Variants in DNAJC16 observed in about 807,000 individuals in gnomAD.
The protein encoded by DNAJC16 is dnaJ homolog subfamily C member 16.
DNAJC16 carries 76 observed loss-of-function variants against 92.7 expected under a neutral mutation model. The observed-to-expected ratio is 0.82, with a 90% CI of 0.68 to 0.99. DNAJC16 has a LOEUF of 0.99. DNAJC16 is among the 50% of genes least tolerant of loss of function. The probability of loss-of-function intolerance (pLI) is 0.00; values close to 1 mark genes in which losing one functional copy is unlikely to be tolerated. For missense variants in DNAJC16, 869 were observed against 942.4 expected, an observed-to-expected ratio of 0.92 and a Z score of 1.02; for synonymous variants, 328 against 358.7, an observed-to-expected ratio of 0.91 and a Z score of 0.97.
At chr1:15,560,571 G>T (rs951608075) in intron 8 of DNAJC16, among the ~76,000 whole-genome samples, 2 of 152,122 alleles carry the variant, frequency 1.3e-5, no homozygotes, top group Non-Finnish European at 2.9e-5. Context: ...TCTGTAAAAG[G>T]TATCTGGATA....
chr1:15,555,577 G>T (rs1228222238), intron 7 of DNAJC16, among the ~76,000 whole-genome samples: 1 of 149,864 alleles, frequency 6.7e-6, no homozygotes, highest in African/African-American at 2.5e-5. Flanking sequence ...TAGCTCCTTA[G>T]AAGGCTGAGG....
chr1:15,539,482 G>A (rs1463864844), intron 4 of DNAJC16, among the ~76,000 whole-genome samples: 1 of 151,640 alleles, frequency 6.6e-6, no homozygotes, highest in African/African-American at 2.4e-5. Context: ...TCCTGACCTC[G>A]TGATCCGCCC....
intron 2 of DNAJC16, among the ~76,000 whole-genome samples, chr1:15,533,540 A>G (rs935787611): frequency 2.0e-5 from 3 of 152,196 alleles, no homozygotes; most frequent in Non-Finnish European, 4.4e-5. Context: ...AGGCAAGAGA[A>G]TCGCTTGAGC....
chr1:15,565,530 T>G (rs978702464), intron 11 of DNAJC16: 3 of 223,748 alleles, frequency 1.3e-5, no homozygotes, highest in African/African-American at 7.1e-5. Context: ...ACTCCACCCC[T>G]CTGGGCTACA....
rs901782381 is a variant in DNAJC16 at position 15,564,374 on chromosome 1, A to G, written c.1598+15A>G. 3.9e-6 allele frequency: 6 copies of G among 1,535,472 alleles called. No individual in the cohort carries two copies. Among genetic ancestry groups the G allele is most frequent in the Non-Finnish European group, 5.4e-6 (6 of 1,108,482 alleles). ...CACAACAACTGGTAGGGATATTGCC[A>G]GGCTGAATTTCTTTTTCTCTGTTAA... On this transcript the variant is annotated intron_variant, in intron 11 of 14. Transcript: ENST00000375847.
rs1570932533 is a variant in DNAJC16, at chr1:15,566,004, A to T, written c.1679+5A>T. 6.2e-7 allele frequency: 1 copy of T among 1,612,912 alleles called. No individual in the cohort carries two copies. Among genetic ancestry groups the T allele is most frequent in the East Asian group, 2.2e-5 (1 of 44,802 alleles). ...TGTCATCGTTCAGGCTTTCAGGTAA[A>T]TGTCCTGTGGCTTCTCGGTGCACCA... On this transcript the variant is annotated splice_donor_5th_base_variant and intron_variant, in intron 12 of 14. Coordinates refer to ENST00000375847, the MANE Select transcript of DNAJC16 (RefSeq NM_015291.4).
At position 15,567,801 on chromosome 1, in the gene DNAJC16, T is replaced by C; in HGVS notation, c.1973T>C (p.Phe658Ser). The change falls in exon 15 of 15, where the codon TTC becomes TCC. Residue 658 changes from phenylalanine (F) to serine (S), a missense_variant. Physicochemically the swap from Phe to Ser is radical, Grantham distance 155. Transcript: ENST00000375847. ...AGGAGCAGCTGCCTACACTTCTCCT[T>C]CCTGAGTCTAGATAAACACAGAGAA... is the stretch of plus-strand genomic sequence containing the variant. ...FTGSSCLHFS[F>S]LSLDKHREWL... The C allele has an allele frequency of 3.1e-6, 5 of 1,613,946 alleles. No individual in the cohort carries two copies. The highest frequency in any genetic ancestry group is 4.2e-6 in the Non-Finnish European group (5 of 1,179,898).
At chr1:15,566,428 C>T in intron 13 of DNAJC16, 1 of 496,200 alleles carries the variant, frequency 2.0e-6, no homozygotes, top group Non-Finnish European at 3.6e-6. Context: ...TTAGGTGAGC[C>T]AGAAGCAGGA....
At chr1:15,564,403 T>G in intron 11 of DNAJC16, 44 bp downstream of exon 11, 1 of 1,182,354 alleles carries the variant, frequency 8.5e-7, no homozygotes, top group East Asian at 2.3e-5. Flanking sequence ...CTGTTAATAC[T>G]GATATCACTG....
intron 4 of DNAJC16, among the ~76,000 whole-genome samples, chr1:15,542,522 A>G (rs1187019488): frequency 6.6e-6 from 1 of 152,132 alleles, no homozygotes; most frequent in African/African-American, 2.4e-5. Context: ...GAGTAACCAT[A>G]AGGAATGTTC....
chr1:15,561,217 T>C (rs1332155476), intron 8 of DNAJC16, among the ~76,000 whole-genome samples: 2 of 152,146 alleles, frequency 1.3e-5, no homozygotes, highest in African/African-American at 4.8e-5. Flanking sequence ...ATATTGTCTA[T>C]ATTACCTGAC....
At chr1:15,539,013 G>A (rs1710862308) in intron 4 of DNAJC16, among the ~76,000 whole-genome samples, 1 of 152,074 alleles carries the variant, frequency 6.6e-6, no homozygotes, top group African/African-American at 2.4e-5. Flanking sequence ...CAGCTGAGGG[G>A]GGAAAAAACT....
Position 15,564,017 on chromosome 1 carries a change from T to G in DNAJC16, c.1427T>G (p.Phe476Cys), listed in dbSNP as rs750151843. 35 of 1,613,682 alleles carry G rather than the reference T, an allele frequency of 2.2e-5. No homozygotes were observed. Among genetic ancestry groups the G allele is most frequent in the African/African-American group, 5.3e-5 (4 of 74,908 alleles). Residue 476 changes from phenylalanine to cysteine, a missense_variant, in exon 10 of 15, where the codon TTT (phenylalanine) becomes TGT (cysteine). Physicochemically the swap from Phe to Cys is radical, Grantham distance 205. Coordinates refer to ENST00000375847, the MANE Select transcript of DNAJC16 (RefSeq NM_015291.4). ...TGGATTGGGAGTGAGAGTGACAAAT[T>G]TATCCTCTTGGGCTATCTCGACCAG... The part of the protein sequence containing the change: ...DPWIGSESDK[F>C]ILLGYLDQLR...
intron 2 of DNAJC16, among the ~76,000 whole-genome samples, 167 bp downstream of exon 2, chr1:15,529,439 AGCGATAAGATCCAAAGC>A (rs1710602136): frequency 6.6e-6 from 1 of 152,162 alleles, no homozygotes; most frequent in Non-Finnish European, 1.5e-5. Flanking sequence ...TATAATTGTT[AGCGATAAGATCCAAAGC>A]CTATGTTTAC....
At chr1:15,552,311 C>T (rs1638462757) in intron 7 of DNAJC16, among the ~76,000 whole-genome samples, 1 of 151,748 alleles carries the variant, frequency 6.6e-6, no homozygotes, top group African/African-American at 2.4e-5. Context: ...TATGGTGAAA[C>T]CCTGTTTCTA....
At chr1:15,557,115 T>C (rs192650900) in intron 7 of DNAJC16, among the ~76,000 whole-genome samples, 59 of 152,360 alleles carry the variant, frequency 3.9e-4, no homozygotes, top group African/African-American at 1.3e-3. Context: ...ACTTTGACAT[T>C]CATGTTCAGA....
At chr1:15,530,568 G>A (rs1350797434) in intron 2 of DNAJC16, among the ~76,000 whole-genome samples, 1 of 152,234 alleles carries the variant, frequency 6.6e-6, no homozygotes, top group African/African-American at 2.4e-5. Context: ...TACCAACCAT[G>A]AGGAATGGAA....
rs1054612256 is a variant in DNAJC16 at position 15,569,635 on chromosome 1, T to C, written c.*1458T>C. ...TGGGACATTTACTAAGTATTTCTTTTTTTTTTTTTTTTTTTAGTTGTTGAG... is the reference window on the plus strand; with the variant it reads ...TGGGACATTTACTAAGTATTTCTTTCTTTTTTTTTTTTTTTAGTTGTTGAG... On this transcript the variant is annotated 3_prime_UTR_variant, in exon 15 of 15. Transcript: ENST00000375847. 1.3e-5 allele frequency: 2 copies of C among 149,616 alleles called. No homozygotes were observed. Among genetic ancestry groups the C allele is most frequent in the African/African-American group, 2.5e-5 (1 of 39,954 alleles). 9.3% of individuals were successfully genotyped at this position (149,616 alleles called of 1,614,324 possible). A position where few individuals can be genotyped will look rare whatever the true frequency, so the allele number is the denominator to read the frequency against.
At position 15,567,145 on chromosome 1, in the gene DNAJC16, G is replaced by C. The variant is rs747894708; in HGVS notation, c.1825G>C (p.Val609Leu). 122 of 1,613,734 alleles carry C rather than the reference G, an allele frequency of 7.6e-5. 2 individuals are homozygous for C. In the South Asian group the frequency reaches 1.3e-3, roughly 17 times the overall value. The change falls in exon 14 of 15, where the codon GTA (valine) becomes CTA (leucine). Residue 609 changes from valine (V) to leucine (L), a missense_variant. Physicochemically the swap from Val to Leu is conservative, Grantham distance 32. Transcript: ENST00000375847. ...GFVEVTELTD[V>L]TYTSNLVRLR... Reference sequence around the variant, plus strand: ...TGTGGAGGTAACTGAACTCACAGATGTAACATACACCAGTAACTTGGTACG... The same window carrying C: ...TGTGGAGGTAACTGAACTCACAGATCTAACATACACCAGTAACTTGGTACG...
Sources: gnomAD v4.1 joint callset for allele counts (sites outside exome capture counted in the v4.1 genomes callset) on GRCh38, gnomAD v4.1.1 for gene constraint, MANE v1.5 for transcripts, NCBI Gene and HGNC (gene_info 2026-07-23, HGNC 2026-07-21) for gene names.